Variants in SP8 observed in about 807,000 individuals in gnomAD.
SP8 encodes Sp8 transcription factor, also known as transcription factor Sp8.
A neutral mutation model predicts 15.3 loss-of-function variants in SP8; 7 were observed. The observed-to-expected ratio is 0.46, with a 90% CI of 0.26 to 0.86. The LOEUF (loss-of-function observed/expected upper bound fraction) is 0.86. Ranked by LOEUF, SP8 falls within the 40% of genes least tolerant of loss-of-function variation. The pLI, the probability that SP8 is intolerant of heterozygous loss-of-function variation, is 0.16. For synonymous variants in SP8, 415 were observed against 356.3 expected (o/e 1.16, Z -1.86); for missense variants, 731 against 736.4 (o/e 0.99, Z 0.09).
rs1300493330 is a variant in SP8 at position 20,785,345 on chromosome 7, C to CGCCGCCGCT, written c.463_471dup (p.Ser155_Gly157dup). The CGCCGCCGCT allele has an allele frequency of 7.2e-7, 1 of 1,388,720 alleles. No homozygotes were observed. The highest frequency in any genetic ancestry group is 1.5e-5 in the African/African-American group (1 of 64,744). The allele number at this position is 1,388,720 out of a possible 1,614,324, so 86.0% of individuals were successfully genotyped here. Reference sequence around the variant, plus strand: ...GAGCCGCCGCCGCCGCCCCCGCCGCCGCCGCCGCTGCCCCCGGAAACTCCG... The same window carrying CGCCGCCGCT: ...GAGCCGCCGCCGCCGCCCCCGCCGCCGCCGCCGCTGCCGCCGCTGCCCCCGGAAACTCCG... On this transcript the variant is annotated inframe_insertion, in exon 2 of 2. Coordinates refer to ENST00000418710, the MANE Select transcript of SP8 (RefSeq NM_182700.6). This position sits in a 1 kb window ranked among gnomAD's most constrained non-coding sequence, Gnocchi z 7.2.
chr7:20,783,145 A>G lies in SP8; in HGVS notation c.*1145T>C, dbSNP rs1365526327. 1 of 144,150 alleles carries G rather than the reference A, an allele frequency of 6.9e-6. No individual in the cohort carries two copies. The highest frequency in any genetic ancestry group is 2.1e-4 in the East Asian group (1 of 4,834). 8.9% of individuals were successfully genotyped at this position (144,150 alleles called of 1,614,324 possible). ...TGTAAGTTTAAATCACACACAAAAA[A>G]GTTTAACCCTACGATCTTCATGAAT... On this transcript the variant is annotated 3_prime_UTR_variant, in exon 2 of 2. Transcript: ENST00000418710.
At position 20,786,877 on chromosome 7, in the gene SP8, G is replaced by A; in HGVS notation, c.-79C>T. Reference sequence around the variant, plus strand: ...GAGGCAGTGTTTTTTTTAGAGGTGTGCAATACAATGATCAGTTCCGCCCAT... The same window carrying A: ...GAGGCAGTGTTTTTTTTAGAGGTGTACAATACAATGATCAGTTCCGCCCAT... On this transcript the variant is annotated 5_prime_UTR_variant, in exon 1 of 2. Transcript: ENST00000418710. This position sits in a 1 kb window ranked among gnomAD's most constrained non-coding sequence, Gnocchi z 4.4. 1 of 1,149,244 alleles carries A rather than the reference G, an allele frequency of 8.7e-7. No individual in the cohort carries two copies. Among genetic ancestry groups the A allele is most frequent in the South Asian group, 1.2e-5 (1 of 81,682 alleles). 71.2% of individuals were successfully genotyped at this position (1,149,244 alleles called of 1,614,324 possible). A position where few individuals can be genotyped will look rare whatever the true frequency, so the allele number is the denominator to read the frequency against.
Position 20,786,426 on chromosome 7 carries a change from T to G in SP8, c.21+352A>C, listed in dbSNP as rs1253217851. Among the ~76,000 whole-genome samples the G allele has an allele frequency of 6.6e-6, 1 of 152,070 alleles. No individual in the cohort carries two copies. Among genetic ancestry groups the G allele is most frequent in the Non-Finnish European group, 1.5e-5 (1 of 68,004 alleles). ...GGGCTGCAGAATTTTTTTTTAAGGG[T>G]TAGGGGAAGAATCTGCACTTTGCCC... On this transcript the variant is annotated intron_variant, in intron 1 of 1. Coordinates refer to ENST00000418710, the MANE Select transcript of SP8 (RefSeq NM_182700.6). This position sits in a 1 kb window ranked among gnomAD's most constrained non-coding sequence, Gnocchi z 4.4.
rs1182137210 is a variant in SP8 at position 20,784,587 on chromosome 7, G to A, written c.1230C>T (p.Phe410=). The change falls in exon 2 of 2, where the codon TTC becomes TTT. Residue 410 remains phenylalanine, a synonymous_variant. Transcript: ENST00000418710. ...GERPFVCNWL[F]CGKRFTRSDE... ...CGGAGCGCGTGAAGCGCTTGCCGCA[G>A]AAAAGCCAGTTGCACACGAAGGGCC... 5 of 1,607,348 alleles carry A rather than the reference G, an allele frequency of 3.1e-6. No homozygotes were observed. The highest frequency in any genetic ancestry group is 4.2e-6 in the Non-Finnish European group (5 of 1,178,022).
chr7:20,785,176 A>C lies in SP8; in HGVS notation c.641T>G (p.Leu214Arg), dbSNP rs1783625280. The C allele has an allele frequency of 6.3e-7, 1 of 1,598,590 alleles. No homozygotes were observed. Among genetic ancestry groups the C allele is most frequent in the African/African-American group, 1.4e-5 (1 of 73,702 alleles). ...CGAGCCCACCTCGCCCGCAGCACCC[A>C]GGCCCGGGTGCGAGGGCTTAAACCA... ...ESWFKPSHPG[L>R]GAAGEVGSAG... Residue 214 changes from leucine to arginine, a missense_variant, in exon 2 of 2, where the codon CTG becomes CGG. Transcript: ENST00000418710. This position sits in a 1 kb window ranked among gnomAD's most constrained non-coding sequence, Gnocchi z 7.2.
At position 20,782,912 on chromosome 7, in the gene SP8, T is replaced by C. The variant is rs182554275; in HGVS notation, c.*1378A>G. On this transcript the variant is annotated 3_prime_UTR_variant, in exon 2 of 2. Coordinates refer to ENST00000418710, the MANE Select transcript of SP8 (RefSeq NM_182700.6). ...TACTGGAAGTAATGTACAAGAAAAATACTATACAAAATCGTCTCCTGGACA... is the reference window on the plus strand; with the variant it reads ...TACTGGAAGTAATGTACAAGAAAAACACTATACAAAATCGTCTCCTGGACA... The C allele has an allele frequency of 4.7e-4, 72 of 152,482 alleles. No individual in the cohort carries two copies. Among genetic ancestry groups the C allele is most frequent in the African/African-American group, 1.7e-3 (70 of 41,480 alleles). The allele number at this position is 152,482 out of a possible 1,614,324, so 9.4% of individuals were successfully genotyped here.
At position 20,785,955 on chromosome 7, in the gene SP8, C is replaced by T. The variant is rs1044735101; in HGVS notation, c.22-160G>A. ...GCGCCGCCACCAACTCACCTGGCAC[C>T]CCCAACAGCCCCGGCGCCCGGCCGC... On this transcript the variant is annotated intron_variant, in intron 1 of 1. Coordinates refer to ENST00000418710, the MANE Select transcript of SP8 (RefSeq NM_182700.6). This position sits in a 1 kb window ranked among gnomAD's most constrained non-coding sequence, Gnocchi z 7.2. The T allele has an allele frequency of 5.5e-6, 8 of 1,452,414 alleles. No individual in the cohort carries two copies. In the Admixed American group the frequency reaches 2.0e-4, roughly 37 times the overall value. The allele number at this position is 1,452,414 out of a possible 1,614,324, so 90.0% of individuals were successfully genotyped here. A position where few individuals can be genotyped will look rare whatever the true frequency, so the allele number is the denominator to read the frequency against.
At position 20,785,310 on chromosome 7, in the gene SP8, G is replaced by C; in HGVS notation, c.507C>G (p.His169Gln). 2 of 1,523,382 alleles carry C rather than the reference G, an allele frequency of 1.3e-6. No homozygotes were observed. The highest frequency in any genetic ancestry group is 8.8e-7 in the Non-Finnish European group (1 of 1,140,262). 94.4% of individuals were successfully genotyped at this position (1,523,382 alleles called of 1,614,324 possible). Reference protein sequence around the residue: ...GGGGGGGSSAHSQDGSHQPVF... With the variant: ...GGGGGGGSSAQSQDGSHQPVF... The stretch of plus-strand genomic sequence containing the variant: ...CCGGCTGGTGGGAGCCGTCCTGCGA[G>C]TGCGCGGAGGAGCCGCCGCCGCCGC... Residue 169 changes from histidine to glutamine, a missense_variant, in exon 2 of 2, where the codon CAC (histidine) becomes CAG (glutamine). Around this residue, in one of 3 missense-constraint regions of SP8, gnomAD observed 586 missense variants for 524.9 expected, o/e 1.12. Coordinates refer to ENST00000418710, the MANE Select transcript of SP8 (RefSeq NM_182700.6). The surrounding 1 kb of genome is among the most constrained non-coding windows in gnomAD (Gnocchi z 7.2).
At position 20,784,334 on chromosome 7, in the gene SP8, G is replaced by C. The variant is rs1386245383; in HGVS notation, c.1483C>G (p.Leu495Val). 4.0e-6 allele frequency: 6 copies of C among 1,518,852 alleles called. No homozygotes were observed. Among genetic ancestry groups the C allele is most frequent in the Non-Finnish European group, 5.3e-6 (6 of 1,140,530 alleles). 94.1% of individuals were successfully genotyped at this position (1,518,852 alleles called of 1,614,324 possible). The part of the protein sequence containing the change: ...AGSPPCHSPE[L>V]LQPPEPGHRN... ...TGCCCGGGCTCGGGGGGCTGCAGCA[G>C]CTCTGGGGAGTGGCAGGGCGGGCTG... The change falls in exon 2 of 2, where the codon CTG (leucine) becomes GTG (valine). Residue 495 changes from leucine (L) to valine (V), a missense_variant. By Grantham distance (32) the Leu-to-Val change is conservative. Around this residue, in one of 3 missense-constraint regions of SP8, gnomAD observed 114 missense variants for 111.9 expected, o/e 1.02. Coordinates refer to ENST00000418710, the MANE Select transcript of SP8 (RefSeq NM_182700.6).
chr7:20,785,628 G>T lies in SP8; in HGVS notation c.189C>A (p.Asn63Lys), dbSNP rs775508561. The stretch of plus-strand genomic sequence containing the variant: ...AGCTTGAGAGACTGGAACCCACTAC[G>T]TTGCAGCTGGCGGAAGAAGAGGACG... Reference protein sequence around the residue: ...RSSSSSSASCNVVGSSLSSFG... With the variant: ...RSSSSSSASCKVVGSSLSSFG... The change falls in exon 2 of 2, where the codon AAC (asparagine) becomes AAA (lysine). Residue 63 changes from asparagine (N) to lysine (K), a missense_variant. Coordinates refer to ENST00000418710, the MANE Select transcript of SP8 (RefSeq NM_182700.6). The surrounding 1 kb of genome is among the most constrained non-coding windows in gnomAD (Gnocchi z 7.2). The T allele has an allele frequency of 1.9e-6, 3 of 1,607,254 alleles. No homozygotes were observed. The highest frequency in any genetic ancestry group is 1.7e-5 in the Admixed American group (1 of 59,756).
chr7:20,784,752 G>A lies in SP8; in HGVS notation c.1065C>T (p.Cys355=). 2 of 1,578,354 alleles carry A rather than the reference G, an allele frequency of 1.3e-6. No homozygotes were observed. The highest frequency in any genetic ancestry group is 1.7e-6 in the Non-Finnish European group (2 of 1,168,424). Reference sequence around the variant, plus strand: ...CAGGGCCCAGCCGCTCTGCCTCCTGGCAGTTGGGGCAGTCGCAGGTGGCGC... The same window carrying A: ...CAGGGCCCAGCCGCTCTGCCTCCTGACAGTTGGGGCAGTCGCAGGTGGCGC... ...SGRATCDCPN[C]QEAERLGPAG... is the part of the protein sequence containing the mutation. Residue 355 remains cysteine, a synonymous_variant, in exon 2 of 2, where the codon TGC becomes TGT. Transcript: ENST00000418710.
At position 20,785,487 on chromosome 7, in the gene SP8, C is replaced by T. The variant is rs866696684; in HGVS notation, c.330G>A (p.Ser110=). ...LVSDSFSCGG[S]PGSSAFSLTS... ...TGAGGGAGAAGGCGCTGGAGCCAGG[C>T]GAGCCGCCGCAGCTGAACGAGTCGG... Residue 110 remains serine (S), a synonymous_variant, in exon 2 of 2, where the codon TCG becomes TCA. Coordinates refer to ENST00000418710, the MANE Select transcript of SP8 (RefSeq NM_182700.6). The surrounding 1 kb of genome is among the most constrained non-coding windows in gnomAD (Gnocchi z 7.2). 9.7e-5 allele frequency: 121 copies of T among 1,242,596 alleles called. No homozygotes were observed. The highest frequency in any genetic ancestry group is 6.8e-4 in the Middle Eastern group (2 of 2,932). The allele number at this position is 1,242,596 out of a possible 1,614,324, so 77.0% of individuals were successfully genotyped here. A position where few individuals can be genotyped will look rare whatever the true frequency, so the allele number is the denominator to read the frequency against.
rs1783574590 is a variant in SP8 at position 20,783,893 on chromosome 7, A to C, written c.*397T>G. 5.5e-6 allele frequency: 1 copy of C among 180,870 alleles called. No individual in the cohort carries two copies. Among genetic ancestry groups the C allele is most frequent in the African/African-American group, 2.4e-5 (1 of 42,312 alleles). The allele number at this position is 180,870 out of a possible 1,614,324, so 11.2% of individuals were successfully genotyped here. On this transcript the variant is annotated 3_prime_UTR_variant, in exon 2 of 2. Transcript: ENST00000418710. ...CCTGCCCGCGCGAGGCCCGCTGTCT[A>C]CCAGGCACTGGATTAGTCCAGCTCT...
rs1268138563 is a variant in SP8 at position 20,782,749 on chromosome 7, A to G, written c.*1541T>C. The G allele has an allele frequency of 6.6e-6, 1 of 152,638 alleles. No individual in the cohort carries two copies. The highest frequency in any genetic ancestry group is 2.4e-5 in the African/African-American group (1 of 41,458). 9.5% of individuals were successfully genotyped at this position (152,638 alleles called of 1,614,324 possible). A position where few individuals can be genotyped will look rare whatever the true frequency, so the allele number is the denominator to read the frequency against. ...CATATTCGAGCAAAACTAGGCCCCG[A>G]AAGTGCGTTTGTGGCTCTGCACCTC... On this transcript the variant is annotated 3_prime_UTR_variant, in exon 2 of 2. Coordinates refer to ENST00000418710, the MANE Select transcript of SP8 (RefSeq NM_182700.6).
chr7:20,786,551 G>T lies in SP8; in HGVS notation c.21+227C>A, dbSNP rs1783683141. ...GGGAGCAGCGAGGCGCTGCGCGGTG[G>T]CTTGTCTAAATGCCCTTCGAACCTT... On this transcript the variant is annotated intron_variant, in intron 1 of 1. Transcript: ENST00000418710. The surrounding 1 kb of genome is among the most constrained non-coding windows in gnomAD (Gnocchi z 4.4). Among the ~76,000 whole-genome samples the T allele has an allele frequency of 6.6e-6, 1 of 151,948 alleles. No individual in the cohort carries two copies. Among genetic ancestry groups the T allele is most frequent in the Admixed American group, 6.6e-5 (1 of 15,262 alleles).
In SP8 at chr7:20,782,593, A is replaced by G. The variant is rs1583482857; in HGVS notation, c.*1697T>C. On this transcript the variant is annotated 3_prime_UTR_variant, in exon 2 of 2. Coordinates refer to ENST00000418710, the MANE Select transcript of SP8 (RefSeq NM_182700.6). The stretch of plus-strand genomic sequence containing the variant: ...TTTGGCAGACCACTTATTATGAAAT[A>G]TAGGAGAACTCTCACTTTAACTATG... The G allele has an allele frequency of 6.6e-6, 1 of 152,660 alleles. No homozygotes were observed. The highest frequency in any genetic ancestry group is 1.5e-5 in the Non-Finnish European group (1 of 68,042). 9.5% of individuals were successfully genotyped at this position (152,660 alleles called of 1,614,324 possible). A position where few individuals can be genotyped will look rare whatever the true frequency, so the allele number is the denominator to read the frequency against.
At position 20,783,941 on chromosome 7, in the gene SP8, A is replaced by G. The variant is rs991941527; in HGVS notation, c.*349T>C. On this transcript the variant is annotated 3_prime_UTR_variant, in exon 2 of 2. Coordinates refer to ENST00000418710, the MANE Select transcript of SP8 (RefSeq NM_182700.6). ...TCTACCTCCAGTGGCCGTTCCCTCT[A>G]AAAGTTACGCCCTTCACAACCTGGG... 1.8e-5 allele frequency: 5 copies of G among 275,558 alleles called. No homozygotes were observed. The highest frequency in any genetic ancestry group is 2.7e-5 in the Non-Finnish European group (4 of 150,702). 17.1% of individuals were successfully genotyped at this position (275,558 alleles called of 1,614,324 possible).
At position 20,785,320 on chromosome 7, in the gene SP8, GA is replaced by G; in HGVS notation, c.496del (p.Ser166ProfsTer111). The G allele has an allele frequency of 6.7e-7, 1 of 1,495,900 alleles. No homozygotes were observed. Among genetic ancestry groups the G allele is most frequent in the Non-Finnish European group, 8.9e-7 (1 of 1,123,308 alleles). The allele number at this position is 1,495,900 out of a possible 1,614,324, so 92.7% of individuals were successfully genotyped here. Reference sequence around the variant, plus strand: ...GGAGCCGTCCTGCGAGTGCGCGGAGGAGCCGCCGCCGCCGCCCCCGCCGCCG... The same window carrying G: ...GGAGCCGTCCTGCGAGTGCGCGGAGGGCCGCCGCCGCCGCCCCCGCCGCCG... ...GGGGGGGGGG[S>X]SAHSQDGSHQ... On this transcript the variant is annotated frameshift_variant, in exon 2 of 2. Transcript: ENST00000418710. LOFTEE classifies it low-confidence loss of function (END_TRUNC). The surrounding 1 kb of genome is among the most constrained non-coding windows in gnomAD (Gnocchi z 7.2).
chr7:20,786,847 A>T lies in SP8; in HGVS notation c.-49T>A. ...TCAGAGGATCTTTTTTATATTGATA[A>T]ATCAGAGGCAGTGTTTTTTTTAGAG... On this transcript the variant is annotated 5_prime_UTR_variant, in exon 1 of 2. Transcript: ENST00000418710. The surrounding 1 kb of genome is among the most constrained non-coding windows in gnomAD (Gnocchi z 4.4). 6.7e-7 allele frequency: 1 copy of T among 1,485,390 alleles called. No homozygotes were observed. The highest frequency in any genetic ancestry group is 9.4e-7 in the Non-Finnish European group (1 of 1,062,196). 92.0% of individuals were successfully genotyped at this position (1,485,390 alleles called of 1,614,324 possible). A position where few individuals can be genotyped will look rare whatever the true frequency, so the allele number is the denominator to read the frequency against.
Sources: gnomAD v4.1 joint callset for allele counts (sites outside exome capture counted in the v4.1 genomes callset) on GRCh38, gnomAD v4.1.1 for gene constraint, gnomAD v4.1.1 regional missense constraint, Gnocchi (gnomAD v3.1) non-coding constraint, MANE v1.5 for transcripts, NCBI Gene and HGNC (gene_info 2026-07-23, HGNC 2026-07-21) for gene names.